The following ALK variants were observed in gnomAD, a reference collection of about 807,000 sequenced individuals.
ALK encodes ALK receptor tyrosine kinase.
In ALK, 74 loss-of-function variants were observed where a neutral mutation model predicts 163.1. The ratio of observed to expected loss-of-function variants is 0.45; its 90% CI spans 0.38 to 0.55. The LOEUF (loss-of-function observed/expected upper bound fraction) is 0.55, where lower values mean the gene tolerates loss of function less well. ALK is among the 20% of genes least tolerant of loss of function. The pLI, the probability that ALK is intolerant of heterozygous loss-of-function variation, is 0.00. For missense variants in ALK, 2,063 were observed against 2,105.3 expected (o/e 0.98, Z 0.39); for synonymous variants, 960 against 843.2 (o/e 1.14, Z -2.40).
chr2:29,738,435 C>T (rs910068826), intron 1 of ALK, among the ~76,000 whole-genome samples: 1 of 152,006 alleles, frequency 6.6e-6, no homozygotes, highest in Non-Finnish European at 1.5e-5. Flanking sequence ...AGCTTATGAG[C>T]CCGCTGGGAA....
At chr2:29,742,175 G>T (rs533481211) in intron 1 of ALK, among the ~76,000 whole-genome samples, 19 of 152,374 alleles carry the variant, frequency 1.2e-4, no homozygotes, top group African/African-American at 4.3e-4. Flanking sequence ...TCTTGTCCAA[G>T]GCCCTCTTTC....
chr2:29,518,592 A>G (rs924193342), intron 4 of ALK, among the ~76,000 whole-genome samples: 1 of 152,214 alleles, frequency 6.6e-6, no homozygotes, highest in Non-Finnish European at 1.5e-5. Flanking sequence ...AGCCAGGCTT[A>G]AGCCACATCA....
At chr2:29,539,386 AATTAAG>A (rs1673352505) in intron 3 of ALK, among the ~76,000 whole-genome samples, 1 of 152,128 alleles carries the variant, frequency 6.6e-6, no homozygotes, top group South Asian at 2.1e-4. Flanking sequence ...TATCAGCAAT[AATTAAG>A]ATTATTATGT....
chr2:29,918,430 C>T (rs1667892622), intron 1 of ALK, among the ~76,000 whole-genome samples: 1 of 152,214 alleles, frequency 6.6e-6, no homozygotes, highest in Non-Finnish European at 1.5e-5. Context: ...CCCAGCTGTT[C>T]TTTACAAAAA....
In ALK at chr2:29,921,135, C is replaced by T; in HGVS notation, c.-476G>A. ...GCGGCTCCCAGCTGCTGCACGCTGT[C>T]CTGGCCGCCTTTTGCGTTCCTTTTG... On this transcript the variant is annotated 5_prime_UTR_variant, in exon 1 of 29. Coordinates refer to ENST00000389048, the MANE Select transcript of ALK (RefSeq NM_004304.5). The T allele has an allele frequency of 8.3e-6, 2 of 239,966 alleles. No individual in the cohort carries two copies. Among genetic ancestry groups the T allele is most frequent in the Non-Finnish European group, 1.6e-5 (2 of 122,686 alleles). The allele number at this position is 239,966 out of a possible 1,614,324, so 14.9% of individuals were successfully genotyped here.
intron 1 of ALK, among the ~76,000 whole-genome samples, chr2:29,846,771 T>C (rs527445745): frequency 6.6e-6 from 1 of 152,348 alleles, no homozygotes; most frequent in East Asian, 1.9e-4. Flanking sequence ...TTGTTGAGTG[T>C]TTACCATGTG....
intron 8 of ALK, among the ~76,000 whole-genome samples, chr2:29,309,030 C>T (rs1666623890): frequency 6.6e-6 from 1 of 152,102 alleles, no homozygotes; most frequent in African/African-American, 2.4e-5. Context: ...AAACGGCCTC[C>T]TCTGTGTCTC....
intron 1 of ALK, among the ~76,000 whole-genome samples, chr2:29,750,297 C>T (rs1399922438): frequency 1.3e-5 from 2 of 152,164 alleles, no homozygotes; most frequent in Non-Finnish European, 2.9e-5. Context: ...CACAGTACAG[C>T]ATGTTACTGT....
intron 3 of ALK, among the ~76,000 whole-genome samples, chr2:29,607,527 C>T (rs912789152): frequency 6.6e-6 from 1 of 152,172 alleles, no homozygotes; most frequent in Admixed American, 6.5e-5. Context: ...ACCACTCCCC[C>T]GAAATGGCTC....
At chr2:29,571,619 T>C (rs1198359003) in intron 3 of ALK, among the ~76,000 whole-genome samples, 1 of 107,434 alleles carries the variant, frequency 9.3e-6, no homozygotes. Flanking sequence ...TTTTTTTTTT[T>C]TTTTTTTTTT....
chr2:29,508,296 C>T (rs1213480865), intron 4 of ALK, among the ~76,000 whole-genome samples: 3 of 152,142 alleles, frequency 2.0e-5, no homozygotes, highest in African/African-American at 7.2e-5. Context: ...CTGTTCAGAG[C>T]AGTATAGGCG....
At chr2:29,612,462 A>G (rs964771538) in intron 3 of ALK, among the ~76,000 whole-genome samples, 3 of 152,188 alleles carry the variant, frequency 2.0e-5, no homozygotes, top group South Asian at 2.1e-4. Context: ...TAGAAATTCT[A>G]CTTCAAACAT....
At position 29,528,753 on chromosome 2, in the gene ALK, A is replaced by G. The variant is rs775781708; in HGVS notation, c.1154+3162T>C. 8.8e-4 allele frequency among the ~76,000 whole-genome samples: 134 copies of G among 152,280 alleles called. 1 individual carries two copies. Among genetic ancestry groups the G allele is most frequent in the Non-Finnish European group, 1.2e-3 (82 of 68,016 alleles). ...GCCATTTCACAGCTCACCATTTTAC[A>G]TAAGTATTATCCTATTCATTCAGTT... is the stretch of plus-strand genomic sequence containing the variant. On this transcript the variant is annotated intron_variant, in intron 4 of 28. Coordinates refer to ENST00000389048, the MANE Select transcript of ALK (RefSeq NM_004304.5).
chr2:29,856,244 A>T (rs1666135200), intron 1 of ALK, among the ~76,000 whole-genome samples: 1 of 152,190 alleles, frequency 6.6e-6, no homozygotes, highest in Non-Finnish European at 1.5e-5. Context: ...ACAGGGCCCT[A>T]GCTCTCTCAT....
At chr2:29,711,582 C>T (rs1288764634) in intron 2 of ALK, among the ~76,000 whole-genome samples, 8 of 151,856 alleles carry the variant, frequency 5.3e-5, no homozygotes, top group African/African-American at 1.9e-4. Context: ...CTCCCATTCT[C>T]TGTGTTGGTG....
intron 1 of ALK, among the ~76,000 whole-genome samples, chr2:29,726,701 G>A (rs1208365774): frequency 6.6e-6 from 1 of 152,198 alleles, no homozygotes. Flanking sequence ...ACAGGAAGAA[G>A]GGAGCTCCAG....
intron 11 of ALK, among the ~76,000 whole-genome samples, chr2:29,260,935 C>G (rs1208370596): frequency 6.6e-6 from 1 of 152,088 alleles, no homozygotes; most frequent in African/African-American, 2.4e-5. Context: ...TGGACATTCT[C>G]TTATTTATTC....
chr2:29,552,113 T>C (rs1673730089), intron 3 of ALK, among the ~76,000 whole-genome samples: 2 of 152,204 alleles, frequency 1.3e-5, no homozygotes, highest in African/African-American at 4.8e-5. Context: ...AGTCAAATGA[T>C]GTTTGCCCTT....
chr2:29,344,598 A>G (rs1667893291), intron 5 of ALK, among the ~76,000 whole-genome samples: 2 of 152,252 alleles, frequency 1.3e-5, no homozygotes, highest in Admixed American at 6.5e-5. Flanking sequence ...ACACCTCTTG[A>G]TCTGCCAGCT....
Sources: allele counts gnomAD v4.1 joint callset (sites outside exome capture counted in the v4.1 genomes callset), GRCh38; gene constraint gnomAD v4.1.1; transcripts MANE v1.5; gene names NCBI Gene and HGNC (gene_info 2026-07-23, HGNC 2026-07-21).